NEIL3: variants seen among roughly 807,000 people sequenced by gnomAD.
NEIL3 encodes nei like DNA glycosylase 3.
NEIL3 carries 48 observed loss-of-function variants against 57.5 expected under a neutral mutation model. The ratio of observed to expected loss-of-function variants is 0.83; its 90% CI spans 0.66 to 1.06. NEIL3 has a LOEUF of 1.06. Among genes scored for constraint, NEIL3 ranks in the 50% least tolerant of loss-of-function variants. The pLI is 0.00. For synonymous variants in NEIL3, 261 were observed against 253.2 expected (o/e 1.03, Z -0.29); for missense variants, 717 against 739.1 (o/e 0.97, Z 0.35).
intron 5 of NEIL3, among the ~76,000 whole-genome samples, chr4:177,340,878 T>A (rs1284452068): frequency 6.6e-6 from 1 of 152,174 alleles, no homozygotes; most frequent in Admixed American, 6.5e-5. Flanking sequence ...TGAAGTAGAA[T>A]TTATACCAAA....
chr4:177,312,223 TAAGTA>T (rs1350103114), intron 1 of NEIL3, among the ~76,000 whole-genome samples: 4 of 152,214 alleles, frequency 2.6e-5, no homozygotes, highest in Non-Finnish European at 5.9e-5. Flanking sequence ...AGAGTGACTT[TAAGTA>T]AATTTGCCCA....
At chr4:177,357,803 G>A (rs565757805) in intron 8 of NEIL3, among the ~76,000 whole-genome samples, 1 of 152,232 alleles carries the variant, frequency 6.6e-6, no homozygotes, top group Admixed American at 6.5e-5. Context: ...CCTAAAATAC[G>A]TTATCTGAAA....
chr4:177,348,818 A>G (rs548890164), intron 6 of NEIL3, among the ~76,000 whole-genome samples: 106 of 115,410 alleles, frequency 9.2e-4, no homozygotes, highest in Admixed American at 3.9e-3. Flanking sequence ...ATTTCCTGAC[A>G]TGAGATAGAA....
chr4:177,343,740 T>TTATA (rs34272163), intron 6 of NEIL3: 1 of 150,386 alleles, frequency 6.6e-6, no homozygotes, highest in Non-Finnish European at 1.5e-5. Context: ...TTAGATAATT[T>TTATA]TATATATATA....
At chr4:177,329,510 A>G (rs1295281924) in intron 2 of NEIL3, among the ~76,000 whole-genome samples, 1 of 152,230 alleles carries the variant, frequency 6.6e-6, no homozygotes, top group Non-Finnish European at 1.5e-5. Context: ...AGGACATTAA[A>G]AAAAGATTAA....
At chr4:177,338,210 ATATG>A (rs1244293779) in intron 4 of NEIL3, among the ~76,000 whole-genome samples, 2 of 152,194 alleles carry the variant, frequency 1.3e-5, no homozygotes, top group African/African-American at 2.4e-5. Context: ...GAACAATTGA[ATATG>A]TATAATACTT....
chr4:177,358,835 T>C (rs906438984), intron 8 of NEIL3, among the ~76,000 whole-genome samples: 22 of 152,196 alleles, frequency 1.4e-4, no homozygotes, highest in Admixed American at 1.4e-3. Flanking sequence ...TCAACCGTTA[T>C]CCAAAACAGC....
At chr4:177,354,252 G>GTT (rs33963327) in intron 8 of NEIL3, 212 of 147,216 alleles carry the variant, frequency 1.4e-3, no homozygotes, top group Admixed American at 1.8e-3. Context: ...GAAAAGTTGG[G>GTT]TTTTTTTTTT....
At chr4:177,330,783 A>G (rs536936888) in intron 2 of NEIL3, among the ~76,000 whole-genome samples, 1 of 152,324 alleles carries the variant, frequency 6.6e-6, no homozygotes, top group Admixed American at 6.5e-5. Flanking sequence ...AAACAATATA[A>G]GCAATTATTG....
intron 2 of NEIL3, among the ~76,000 whole-genome samples, chr4:177,327,546 C>T (rs149423408): frequency 1.1e-4 from 16 of 152,246 alleles, no homozygotes; most frequent in Non-Finnish European, 1.9e-4. Flanking sequence ...TTAAGCCTCG[C>T]ATGCATTAAG....
chr4:177,338,537 G>T (rs900100094), intron 4 of NEIL3, among the ~76,000 whole-genome samples: 2 of 151,540 alleles, frequency 1.3e-5, no homozygotes, highest in South Asian at 4.2e-4. Context: ...GTCGTTGAAG[G>T]GTCAGCTGTA....
chr4:177,321,468 A>G (rs951925480), intron 1 of NEIL3, among the ~76,000 whole-genome samples: 1 of 152,190 alleles, frequency 6.6e-6, no homozygotes, highest in Non-Finnish European at 1.5e-5. Flanking sequence ...ATAAAAAATA[A>G]TGACATAAGA....
At chr4:177,327,424 A>T (rs1005669094) in intron 2 of NEIL3, among the ~76,000 whole-genome samples, 9 of 151,920 alleles carry the variant, frequency 5.9e-5, no homozygotes, top group African/African-American at 1.9e-4. Flanking sequence ...TGACTTTTTT[A>T]AAAAAAATTT....
Position 177,348,508 on chromosome 4 carries a change from G to A in NEIL3, c.870-2872G>A, listed in dbSNP as rs1351662707. 3.8e-4 allele frequency among the ~76,000 whole-genome samples: 58 copies of A among 152,052 alleles called. 1 individual carries two copies. The highest frequency in any genetic ancestry group is 3.8e-3 in the Admixed American group (58 of 15,252). ...GGTCACCAGGGCAATAGTTTCCCTG[G>A]GCACTGAACAGATGTGAGGTGATGC... On this transcript the variant is annotated intron_variant, in intron 6 of 9. Coordinates refer to ENST00000264596, the MANE Select transcript of NEIL3 (RefSeq NM_018248.3).
intron 2 of NEIL3, among the ~76,000 whole-genome samples, chr4:177,328,947 A>G (rs191855530): frequency 5.4e-4 from 82 of 152,332 alleles, no homozygotes; most frequent in Non-Finnish European, 4.0e-4. Context: ...GAAGATATGC[A>G]TATCATTTGA....
At chr4:177,317,063 G>A (rs1734587206) in intron 1 of NEIL3, among the ~76,000 whole-genome samples, 1 of 152,298 alleles carries the variant, frequency 6.6e-6, no homozygotes, top group African/African-American at 2.4e-5. Context: ...CTGCTGCACT[G>A]AAGTCATTTG....
At chr4:177,322,338 T>G in intron 1 of NEIL3, 121 bp from the exon 2 acceptor site, 1 of 1,275,288 alleles carries the variant, frequency 7.8e-7, no homozygotes, top group South Asian at 1.4e-5. Flanking sequence ...TTGGAGATTA[T>G]TCTTCTCATT....
chr4:177,351,817 A>C lies in NEIL3; in HGVS notation c.1039+268A>C, dbSNP rs564163702. Among the ~76,000 whole-genome samples, 330 of 152,296 alleles carry C rather than the reference A, an allele frequency of 2.2e-3. 2 individuals are homozygous for C. The highest frequency in any genetic ancestry group is 3.9e-3 in the Non-Finnish European group (268 of 68,020). On this transcript the variant is annotated intron_variant, in intron 7 of 9. Transcript: ENST00000264596. ...ATGGAGATGATCACATCTGTTCTCT[A>C]CTGTTTCTAATGAATTATTCAATAA...
rs1735200969 is a variant in NEIL3, at chr4:177,345,515, A to G, written c.869+3873A>G. 2.6e-5 allele frequency among the ~76,000 whole-genome samples: 4 copies of G among 151,608 alleles called. No individual in the cohort carries two copies. In the South Asian group the frequency reaches 8.3e-4, roughly 32 times the overall value. ...TTTAAGTTTTAGGGTACATGTGCAC[A>G]ATGTGCAGGTTTGTTACATATGTAT... On this transcript the variant is annotated intron_variant, in intron 6 of 9. Transcript: ENST00000264596.
Sources: gnomAD v4.1 joint callset for allele counts (sites outside exome capture counted in the v4.1 genomes callset) on GRCh38, gnomAD v4.1.1 for gene constraint, MANE v1.5 for transcripts, NCBI Gene and HGNC (gene_info 2026-07-23, HGNC 2026-07-21) for gene names.